DCLK2: variants seen among roughly 807,000 people sequenced by gnomAD.
DCLK2 encodes serine/threonine-protein kinase DCLK2.
In DCLK2, 31 loss-of-function variants were observed where a neutral mutation model predicts 78.4. That is an observed-to-expected ratio of 0.40 (90% CI 0.30 to 0.53). The LOEUF (loss-of-function observed/expected upper bound fraction) is 0.53. DCLK2 is among the 20% of genes least tolerant of loss of function. The pLI is 0.61. For synonymous variants in DCLK2, 407 were observed against 374.9 expected, an observed-to-expected ratio of 1.09 and a Z score of -0.99; for missense variants, 872 against 973.7, an observed-to-expected ratio of 0.90 and a Z score of 1.39.
chr4:150,208,665 G>A (rs1323126287), intron 5 of DCLK2, among the ~76,000 whole-genome samples: 1 of 152,070 alleles, frequency 6.6e-6, no homozygotes. Flanking sequence ...TGGGTGAAGA[G>A]GGGTGGAAAG....
chr4:150,139,874 C>T (rs1394449614), intron 2 of DCLK2, among the ~76,000 whole-genome samples: 1 of 152,182 alleles, frequency 6.6e-6, no homozygotes, highest in African/African-American at 2.4e-5. Flanking sequence ...TGTATAATTT[C>T]AAAGTTTATA....
At chr4:150,183,173 C>T (rs1285343217) in intron 2 of DCLK2, among the ~76,000 whole-genome samples, 1 of 152,166 alleles carries the variant, frequency 6.6e-6, no homozygotes, top group African/African-American at 2.4e-5. Context: ...CCAGTTTAAA[C>T]CAGTTTCTCA....
At chr4:150,089,779 A>G (rs2150137337) in intron 1 of DCLK2, among the ~76,000 whole-genome samples, 1 of 152,384 alleles carries the variant, frequency 6.6e-6, no homozygotes, top group African/African-American at 2.4e-5. Flanking sequence ...CAAAATAGCA[A>G]TATAAAGCTA....
intron 10 of DCLK2, among the ~76,000 whole-genome samples, chr4:150,236,139 G>A (rs960568230): frequency 5.3e-5 from 8 of 152,254 alleles, no homozygotes; most frequent in East Asian, 1.9e-4. Flanking sequence ...TGCATTCCTC[G>A]CATTTTTTAT....
At chr4:150,134,202 TC>T (rs751960193) in intron 2 of DCLK2, among the ~76,000 whole-genome samples, 54 of 147,810 alleles carry the variant, frequency 3.7e-4, no homozygotes, top group Non-Finnish European at 6.7e-4. Flanking sequence ...TGCCTCAGCC[TC>T]CCAAGTAGCT....
intron 2 of DCLK2, among the ~76,000 whole-genome samples, chr4:150,157,246 T>C (rs538830123): frequency 6.6e-6 from 1 of 151,950 alleles, no homozygotes; most frequent in East Asian, 1.9e-4. Context: ...AAAAATCTTT[T>C]TAAAATTTTT....
At chr4:150,098,478 T>G (rs193022755) in intron 1 of DCLK2, among the ~76,000 whole-genome samples, 1 of 152,310 alleles carries the variant, frequency 6.6e-6, no homozygotes, top group East Asian at 1.9e-4. Context: ...ATGAAAAAAA[T>G]ACATATGCGT....
Position 150,079,569 on chromosome 4 carries a change from T to C in DCLK2, c.421+121T>C. ...CAAGCCGCACGGGAATTGATGCTTC[T>C]GTCTGCTTCTCTAGAGATTGGCTGG... On this transcript the variant is annotated intron_variant, in intron 1 of 15. Transcript: ENST00000296550. 2 of 1,016,500 alleles carry C rather than the reference T, an allele frequency of 2.0e-6. 1 individual carries two copies. Among genetic ancestry groups the C allele is most frequent in the South Asian group, 3.6e-5 (2 of 55,714 alleles). The allele number at this position is 1,016,500 out of a possible 1,614,324, so 63.0% of individuals were successfully genotyped here. A position where few individuals can be genotyped will look rare whatever the true frequency, so the allele number is the denominator to read the frequency against.
At chr4:150,253,633 G>T in intron 15 of DCLK2, 1 of 1,278,480 alleles carries the variant, frequency 7.8e-7, no homozygotes, top group Non-Finnish European at 1.0e-6. Context: ...CTCAGTTTCT[G>T]ATGCCGCCGT....
chr4:150,137,179 T>C (rs1733753975), intron 2 of DCLK2, among the ~76,000 whole-genome samples: 1 of 151,924 alleles, frequency 6.6e-6, no homozygotes, highest in African/African-American at 2.4e-5. Flanking sequence ...CTGCAGCAGC[T>C]CTGCTGTTCT....
chr4:150,130,937 T>TA lies in DCLK2; in HGVS notation c.756+28127dup, dbSNP rs543430950. ...CTACAGGTCCTAGCACAGAAACTCT[T>TA]AATAAGTCCTGGTTTCCTAAGGGGC... On this transcript the variant is annotated intron_variant, in intron 2 of 15. Transcript: ENST00000296550. Among the ~76,000 whole-genome samples the TA allele has an allele frequency of 1.7e-3, 260 of 152,246 alleles. 1 individual carries two copies. The highest frequency in any genetic ancestry group is 4.0e-3 in the African/African-American group (168 of 41,500).
At chr4:150,087,843 G>A (rs1729753413) in intron 1 of DCLK2, among the ~76,000 whole-genome samples, 1 of 152,144 alleles carries the variant, frequency 6.6e-6, no homozygotes, top group South Asian at 2.1e-4. Context: ...CAAAGTGAAG[G>A]GGAAATTAGA....
chr4:150,112,318 GACTT>G (rs746577367), intron 2 of DCLK2, among the ~76,000 whole-genome samples: 1 of 152,130 alleles, frequency 6.6e-6, no homozygotes, highest in Non-Finnish European at 1.5e-5. Flanking sequence ...TGTAACCTGA[GACTT>G]AATTTATTTA....
At chr4:150,091,562 T>G (rs907721469) in intron 1 of DCLK2, among the ~76,000 whole-genome samples, 2 of 152,182 alleles carry the variant, frequency 1.3e-5, no homozygotes, top group African/African-American at 2.4e-5. Context: ...GTGTCCAAAT[T>G]TTATACAACT....
chr4:150,080,445 A>G (rs1729175699), intron 1 of DCLK2, among the ~76,000 whole-genome samples: 1 of 152,210 alleles, frequency 6.6e-6, no homozygotes. Flanking sequence ...AGTTCTAAAT[A>G]ACATCCAGAA....
intron 7 of DCLK2, among the ~76,000 whole-genome samples, chr4:150,223,410 T>C (rs1741346407): frequency 6.6e-6 from 1 of 152,228 alleles, no homozygotes; most frequent in East Asian, 1.9e-4. Flanking sequence ...TCAAAGACAT[T>C]TTTGGCATGT....
chr4:150,088,785 T>G (rs1729829932), intron 1 of DCLK2, among the ~76,000 whole-genome samples: 1 of 152,222 alleles, frequency 6.6e-6, no homozygotes, highest in Admixed American at 6.5e-5. Flanking sequence ...ACCTGTAGTT[T>G]ATTCAGCCTC....
chr4:150,213,384 C>T (rs375944450), intron 5 of DCLK2, among the ~76,000 whole-genome samples: 10 of 152,144 alleles, frequency 6.6e-5, no homozygotes, highest in Admixed American at 2.0e-4. Flanking sequence ...GTGCTGATTC[C>T]GATTGTTTTC....
chr4:150,111,143 C>A (rs963151352), intron 2 of DCLK2, among the ~76,000 whole-genome samples: 1 of 152,098 alleles, frequency 6.6e-6, no homozygotes, highest in Non-Finnish European at 1.5e-5. Context: ...ACATCAGCAT[C>A]TATTTTTTTT....
Sources: allele counts gnomAD v4.1 joint callset (sites outside exome capture counted in the v4.1 genomes callset), GRCh38; gene constraint gnomAD v4.1.1; transcripts MANE v1.5; gene names NCBI Gene and HGNC (gene_info 2026-07-23, HGNC 2026-07-21).